Variants in HERC6 observed in about 807,000 individuals in gnomAD.
HERC6 encodes the protein probable E3 ubiquitin-protein ligase HERC6.
Under a neutral mutation model 114.5 loss-of-function variants are expected in HERC6, and 101 were observed. That is an observed-to-expected ratio of 0.88 (90% confidence interval 0.75 to 1.04). The LOEUF is 1.04. HERC6 is among the 50% of genes least tolerant of loss of function. The probability of loss-of-function intolerance (pLI) is 0.00; values close to 1 mark genes in which losing one functional copy is unlikely to be tolerated. For missense variants in HERC6, 1,133 were observed against 1,230.9 expected (o/e 0.92, Z 1.19); for synonymous variants, 408 against 436.2 (o/e 0.94, Z 0.81).
chr4:88,423,404 A>G (rs1272961530), intron 13 of HERC6, among the ~76,000 whole-genome samples: 2 of 152,130 alleles, frequency 1.3e-5, no homozygotes, highest in African/African-American at 4.8e-5. Flanking sequence ...GTTTTTGCAA[A>G]TACAGTTTTA....
intron 13 of HERC6, among the ~76,000 whole-genome samples, chr4:88,422,520 C>A (rs966091330): frequency 6.6e-6 from 1 of 152,130 alleles, no homozygotes; most frequent in African/African-American, 2.4e-5. Context: ...TTATTAAATG[C>A]TTTTTCTGCA....
At chr4:88,392,791 T>G (rs1734987895) in intron 4 of HERC6, among the ~76,000 whole-genome samples, 1 of 152,266 alleles carries the variant, frequency 6.6e-6, no homozygotes, top group South Asian at 2.1e-4. Context: ...ATGGCAGCCT[T>G]GCAGTCAGGG....
chr4:88,417,675 C>A, intron 13 of HERC6, 96 bp downstream of exon 13: 1 of 966,092 alleles, frequency 1.0e-6, no homozygotes, highest in South Asian at 1.9e-5. Context: ...AAATAAAAAT[C>A]ATGAGGAGTC....
chr4:88,388,868 A>G (rs1410807663), intron 3 of HERC6, among the ~76,000 whole-genome samples: 1 of 152,154 alleles, frequency 6.6e-6, no homozygotes, highest in African/African-American at 2.4e-5. Context: ...ACAGGTGCAA[A>G]TCTCCCACAC....
intron 9 of HERC6, 108 bp downstream of exon 9, chr4:88,405,105 G>C (rs1391464915): frequency 7.3e-7 from 1 of 1,376,896 alleles, no homozygotes; most frequent in East Asian, 2.4e-5. Context: ...TTTGCATTTT[G>C]ACCATGATTC....
At chr4:88,409,273 T>C (rs1421391937) in intron 11 of HERC6, among the ~76,000 whole-genome samples, 3 of 152,182 alleles carry the variant, frequency 2.0e-5, no homozygotes, top group African/African-American at 4.8e-5. Context: ...ATTTAAACTA[T>C]AAACTAAATT....
chr4:88,424,351 G>A (rs1172953967), intron 14 of HERC6, among the ~76,000 whole-genome samples: 1 of 151,974 alleles, frequency 6.6e-6, no homozygotes, highest in East Asian at 1.9e-4. Context: ...GTGGTAGCAC[G>A]TATCTGTACT....
intron 4 of HERC6, 42 bp downstream of exon 4, chr4:88,390,921 T>C: frequency 6.6e-7 from 1 of 1,525,204 alleles, no homozygotes; most frequent in South Asian, 1.2e-5. Context: ...CATTCTTTCT[T>C]TCCAGGTGGA....
At chr4:88,432,683 TGCGCCATA>T (rs999719489) in intron 17 of HERC6, among the ~76,000 whole-genome samples, 10 of 147,426 alleles carry the variant, frequency 6.8e-5, no homozygotes, top group African/African-American at 2.5e-4. Flanking sequence ...GAGCTGAGAT[TGCGCCATA>T]GCACCCCAGC....
At chr4:88,418,398 G>A (rs1736708414) in intron 13 of HERC6, among the ~76,000 whole-genome samples, 3 of 152,194 alleles carry the variant, frequency 2.0e-5, no homozygotes, top group Admixed American at 6.5e-5. Flanking sequence ...CCAGCTTGAT[G>A]AGTAGATGTT....
chr4:88,403,645 T>C (rs1160564480), intron 8 of HERC6, among the ~76,000 whole-genome samples: 1 of 151,874 alleles, frequency 6.6e-6, no homozygotes, highest in East Asian at 1.9e-4. Context: ...TCCCAGCTAC[T>C]CGGGAGGCTG....
At chr4:88,436,791 TTTATA>T (rs1288731574) in intron 18 of HERC6, 109 bp from the exon 19 acceptor site, 6 of 643,720 alleles carry the variant, frequency 9.3e-6, no homozygotes, top group Non-Finnish European at 1.5e-5. Context: ...GGATAGGAAA[TTTATA>T]TTATATTTTA....
chr4:88,422,498 G>A (rs1737167974), intron 13 of HERC6, among the ~76,000 whole-genome samples: 1 of 152,136 alleles, frequency 6.6e-6, no homozygotes, highest in Non-Finnish European at 1.5e-5. Context: ...GATCATGAAT[G>A]GATACTGAAT....
chr4:88,412,883 G>A (rs561609194), intron 11 of HERC6, among the ~76,000 whole-genome samples, 194 bp from the exon 12 acceptor site: 1 of 152,298 alleles, frequency 6.6e-6, no homozygotes, highest in African/African-American at 2.4e-5. Flanking sequence ...GAGGAGGATG[G>A]CTCTCATGTA....
In HERC6 at chr4:88,442,250, T is replaced by C. The variant is rs775497461; in HGVS notation, c.2859T>C (p.Arg953=). ...CCTTTCTAGTTTTCCTTACAGGACG[T>C]GATAGGCTGCATGCAAGAGGCATAC... is the stretch of plus-strand genomic sequence containing the variant. ...KKKFLFFLTG[R]DRLHARGIQK... The change falls in exon 23 of 23, where the codon CGT becomes CGC. Residue 953 remains arginine (R), a synonymous_variant. Coordinates refer to ENST00000264346, the MANE Select transcript of HERC6 (RefSeq NM_017912.4). The C allele has an allele frequency of 1.2e-6, 2 of 1,611,542 alleles. No homozygotes were observed. Among genetic ancestry groups the C allele is most frequent in the South Asian group, 1.1e-5 (1 of 90,498 alleles).
At chr4:88,394,936 T>C (rs984003263) in intron 5 of HERC6, among the ~76,000 whole-genome samples, 1 of 152,210 alleles carries the variant, frequency 6.6e-6, no homozygotes, top group Non-Finnish European at 1.5e-5. Flanking sequence ...AATAATCCAC[T>C]TTACAGCCTA....
chr4:88,429,899 A>C (rs1483543607), intron 16 of HERC6, among the ~76,000 whole-genome samples: 1 of 152,250 alleles, frequency 6.6e-6, no homozygotes, highest in African/African-American at 2.4e-5. Flanking sequence ...AGTAAACTTC[A>C]AGCCAGATCA....
intron 8 of HERC6, among the ~76,000 whole-genome samples, chr4:88,401,883 G>A (rs1175558680): frequency 6.6e-6 from 1 of 152,244 alleles, no homozygotes; most frequent in Non-Finnish European, 1.5e-5. Flanking sequence ...AAATCAGTCT[G>A]CACAGTTGTG....
intron 4 of HERC6, among the ~76,000 whole-genome samples, chr4:88,392,708 A>C (rs1734983533): frequency 6.6e-6 from 1 of 152,186 alleles, no homozygotes; most frequent in Non-Finnish European, 1.5e-5. Flanking sequence ...CCTTGCAGTT[A>C]AGGCCACCTC....
Sources: allele counts gnomAD v4.1 joint callset (sites outside exome capture counted in the v4.1 genomes callset), GRCh38; gene constraint gnomAD v4.1.1; transcripts MANE v1.5; gene names NCBI Gene and HGNC (gene_info 2026-07-23, HGNC 2026-07-21).